CCDC102B: variants seen among roughly 807,000 people sequenced by gnomAD.
CCDC102B encodes the protein coiled-coil domain containing 102B, also known as coiled-coil domain-containing protein 102B.
CCDC102B carries 75 observed loss-of-function variants against 57.4 expected under a neutral mutation model. The ratio of observed to expected loss-of-function variants is 1.31; its 90% CI spans 1.08 to 1.58. The LOEUF (loss-of-function observed/expected upper bound fraction) is 1.58, where lower values mean the gene tolerates loss of function less well. Ranked by LOEUF, CCDC102B falls within the 40% of genes most tolerant of loss-of-function variation. CCDC102B has a pLI of 0.00. For synonymous variants in CCDC102B, 206 were observed against 201.9 expected, an observed-to-expected ratio of 1.02 and a Z score of -0.17; for missense variants, 636 against 582.6, an observed-to-expected ratio of 1.09 and a Z score of -0.94.
intron 6 of CCDC102B, among the ~76,000 whole-genome samples, chr18:68,996,219 G>A (rs1254791668): frequency 1.3e-5 from 2 of 152,266 alleles, no homozygotes; most frequent in South Asian, 2.1e-4. Context: ...ATAAAAGCAG[G>A]CAGAGGAACA....
chr18:68,806,842 A>G (rs890213633), intron 1 of CCDC102B, among the ~76,000 whole-genome samples: 1 of 152,200 alleles, frequency 6.6e-6, no homozygotes, highest in Non-Finnish European at 1.5e-5. Context: ...TTACATTTTT[A>G]CGTTTCATGC....
At chr18:68,923,538 A>G (rs2041362384) in intron 6 of CCDC102B, among the ~76,000 whole-genome samples, 1 of 152,050 alleles carries the variant, frequency 6.6e-6, no homozygotes, top group Non-Finnish European at 1.5e-5. Context: ...TGACATCATA[A>G]AAAGTTAGCT....
intron 6 of CCDC102B, among the ~76,000 whole-genome samples, chr18:68,969,307 T>G (rs1394168613): frequency 6.6e-6 from 1 of 152,190 alleles, no homozygotes; most frequent in South Asian, 2.1e-4. Context: ...TAGGCTTTCA[T>G]GCTTCCCCTT....
chr18:68,915,622 T>C (rs1257135826), intron 6 of CCDC102B, among the ~76,000 whole-genome samples: 1 of 152,242 alleles, frequency 6.6e-6, no homozygotes, highest in Non-Finnish European at 1.5e-5. Flanking sequence ...CTACTCTTTT[T>C]ATTTGAGTGA....
chr18:68,786,170 T>C, intron 2 of CCDC102B, among the ~76,000 whole-genome samples: 1 of 150,746 alleles, frequency 6.6e-6, no homozygotes, highest in Non-Finnish European at 1.5e-5. Flanking sequence ...AGGGCTCTGT[T>C]CTGTTCCATT....
intron 2 of CCDC102B, among the ~76,000 whole-genome samples, chr18:68,763,103 T>G (rs531216194): frequency 6.6e-6 from 1 of 152,292 alleles, no homozygotes; most frequent in South Asian, 2.1e-4. Flanking sequence ...ACTTACCATT[T>G]TATATAGATA....
chr18:68,963,490 T>C (rs1404304438), intron 6 of CCDC102B, among the ~76,000 whole-genome samples: 1 of 151,908 alleles, frequency 6.6e-6, no homozygotes, highest in Non-Finnish European at 1.5e-5. Context: ...ATTTAACATA[T>C]ACTTACAGGT....
intron 5 of CCDC102B, among the ~76,000 whole-genome samples, chr18:68,881,051 A>C (rs1312810987): frequency 1.3e-5 from 2 of 152,362 alleles, no homozygotes; most frequent in East Asian, 3.9e-4. Context: ...CAAGACAATA[A>C]TTGCTTTACT....
At chr18:68,958,967 G>C (rs1322174317) in intron 6 of CCDC102B, among the ~76,000 whole-genome samples, 1 of 152,066 alleles carries the variant, frequency 6.6e-6, no homozygotes, top group Non-Finnish European at 1.5e-5. Flanking sequence ...CTCTTTCCAA[G>C]AGGTCACACA....
intron 6 of CCDC102B, among the ~76,000 whole-genome samples, chr18:68,992,054 A>G (rs528973585): frequency 7.8e-4 from 118 of 151,750 alleles, no homozygotes; most frequent in African/African-American, 2.8e-3. Context: ...TAGTGACCTT[A>G]TTTTTGCCAG....
intron 4 of CCDC102B, among the ~76,000 whole-genome samples, chr18:68,867,701 G>A (rs1046144621): frequency 6.6e-6 from 1 of 152,148 alleles, no homozygotes; most frequent in South Asian, 2.1e-4. Context: ...TTGGGAGGCC[G>A]AGGCGGGCGG....
At chr18:68,936,762 TAC>T (rs111306089) in intron 6 of CCDC102B, among the ~76,000 whole-genome samples, 17 of 74,468 alleles carry the variant, frequency 2.3e-4, no homozygotes, top group Admixed American at 2.7e-4. Context: ...TATATATATA[TAC>T]ACACATACAT....
intron 2 of CCDC102B, among the ~76,000 whole-genome samples, chr18:68,764,721 A>G (rs1424614884): frequency 1.3e-5 from 2 of 152,124 alleles, no homozygotes; most frequent in Non-Finnish European, 2.9e-5. Context: ...TTTACTACAA[A>G]TAAATTTTAA....
chr18:68,914,450 A>G, intron 6 of CCDC102B, among the ~76,000 whole-genome samples: 1 of 152,196 alleles, frequency 6.6e-6, no homozygotes, highest in East Asian at 1.9e-4. Flanking sequence ...ACAGGTTGGA[A>G]AAGGAATGAA....
intron 6 of CCDC102B, among the ~76,000 whole-genome samples, chr18:68,978,926 T>C (rs756120956): frequency 6.6e-6 from 1 of 152,048 alleles, no homozygotes; most frequent in Non-Finnish European, 1.5e-5. Context: ...CAAACATGGC[T>C]CCACCTCAGA....
At chr18:68,947,537 T>C (rs4427904) in intron 6 of CCDC102B, among the ~76,000 whole-genome samples, 44,638 of 151,946 alleles carry the variant, frequency 0.29, 7,708 homozygotes, top group African/African-American at 0.46. Context: ...TCTCTAATTT[T>C]TATGCTGTAT....
chr18:68,927,045 A>C (rs548052350), intron 6 of CCDC102B, among the ~76,000 whole-genome samples: 1 of 151,928 alleles, frequency 6.6e-6, no homozygotes, highest in South Asian at 2.1e-4. Context: ...AGTTTGTTTG[A>C]AACTTTGATT....
intron 2 of CCDC102B, among the ~76,000 whole-genome samples, chr18:68,786,264 GC>G (rs765717051): frequency 3.3e-5 from 5 of 152,062 alleles, no homozygotes; most frequent in Non-Finnish European, 7.3e-5. Context: ...GTAGTGTGAT[GC>G]CTCCAGCTTT....
rs149115609 is a variant in CCDC102B, at chr18:68,724,292, C to T, written c.-67+7698C>T. ...CTGTGTGAAGGTTTCTGACATGCCC[C>T]GAAGACATTTTCCCCTTTGTTTTGG... On this transcript the variant is annotated intron_variant, in intron 2 of 3. Transcript: ENST00000578970. 9.5e-4 allele frequency among the ~76,000 whole-genome samples: 145 copies of T among 152,276 alleles called. 2 individuals are homozygous for T. The East Asian group carries it at 0.013, about 14-fold the overall frequency.
Sources: allele counts gnomAD v4.1 joint callset (sites outside exome capture counted in the v4.1 genomes callset), GRCh38; gene constraint gnomAD v4.1.1; transcripts MANE v1.5; gene names NCBI Gene and HGNC (gene_info 2026-07-23, HGNC 2026-07-21).